FOCAD: variants seen among roughly 807,000 people sequenced by gnomAD.
FOCAD encodes the protein focadhesin.
In FOCAD, 198 loss-of-function variants were observed where a neutral mutation model predicts 225.6. The ratio of observed to expected loss-of-function variants is 0.88; its 90% CI spans 0.78 to 0.99. The LOEUF is 0.99. Ranked by LOEUF, FOCAD falls within the 50% of genes least tolerant of loss-of-function variation. The pLI, the probability that FOCAD is intolerant of heterozygous loss-of-function variation, is 0.00. For missense variants in FOCAD, 2,713 were observed against 2,123.6 expected (o/e 1.28, Z -5.46); for synonymous variants, 897 against 755.0 (o/e 1.19, Z -3.08).
At chr9:20,709,800 A>G (rs1025761427) in intron 1 of FOCAD, among the ~76,000 whole-genome samples, 1 of 152,210 alleles carries the variant, frequency 6.6e-6, no homozygotes, top group Non-Finnish European at 1.5e-5. Context: ...TATAGATTTA[A>G]AAAACATATT....
Position 20,862,839 on chromosome 9 carries a change from G to A in FOCAD, c.2055+127G>A, listed in dbSNP as rs1378074682. The A allele has an allele frequency of 4.8e-6, 5 of 1,042,918 alleles. No individual in the cohort carries two copies. The African/African-American group carries it at 6.5e-5, about 13-fold the overall frequency. The allele number at this position is 1,042,918 out of a possible 1,614,324, so 64.6% of individuals were successfully genotyped here. A position where few individuals can be genotyped will look rare whatever the true frequency, so the allele number is the denominator to read the frequency against. ...TGTTGTTCTGAGACCATGTTGATAT[G>A]TTTATGGACTCTTAGGAGTAAGATA... On this transcript the variant is annotated intron_variant, in intron 16 of 43. Transcript: ENST00000338382.
intron 35 of FOCAD, among the ~76,000 whole-genome samples, chr9:20,969,759 ACC>A (rs1839602528): frequency 6.6e-6 from 1 of 150,810 alleles, no homozygotes; most frequent in Non-Finnish European, 1.5e-5. Context: ...TTTTATATTT[ACC>A]TATGTAATTA....
At position 20,982,432 on chromosome 9, in the gene FOCAD, G is replaced by T. The variant is rs753108162; in HGVS notation, c.4714G>T (p.Ala1572Ser). The T allele has an allele frequency of 1.9e-6, 3 of 1,613,116 alleles. No individual in the cohort carries two copies. Among genetic ancestry groups the T allele is most frequent in the Non-Finnish European group, 2.5e-6 (3 of 1,179,380 alleles). ...EMTDDDANRI[A>S]QVTKSNIEKA... is the part of the protein sequence containing the mutation. ...GACAGATGATGATGCCAATCGGATC[G>T]CCCAGGTTACTAAGGTAATAACATA... The change falls in exon 39 of 44, where the codon GCC (alanine) becomes TCC (serine). Residue 1572 changes from alanine to serine, a missense_variant. Ala to Ser is a moderately conservative substitution (Grantham distance 99). Transcript: ENST00000338382.
chr9:20,757,986 A>G, intron 5 of FOCAD, 104 bp from the exon 6 acceptor site: 1 of 553,968 alleles, frequency 1.8e-6, no homozygotes. Flanking sequence ...ATCGTGAAAA[A>G]AGTCTCTAGA....
chr9:20,991,368 A>G (rs574125107), intron 42 of FOCAD, among the ~76,000 whole-genome samples: 1 of 152,276 alleles, frequency 6.6e-6, no homozygotes, highest in South Asian at 2.1e-4. Flanking sequence ...AAATCTGAAC[A>G]TTAATCTTTA....
chr9:20,763,980 G>T (rs555863339), intron 6 of FOCAD, among the ~76,000 whole-genome samples: 1 of 152,266 alleles, frequency 6.6e-6, no homozygotes, highest in Admixed American at 6.5e-5. Flanking sequence ...CTCTCCTTCA[G>T]TTTCTTTATC....
intron 16 of FOCAD, among the ~76,000 whole-genome samples, chr9:20,865,587 C>G (rs1318621542): frequency 6.6e-6 from 1 of 151,786 alleles, no homozygotes; most frequent in Non-Finnish European, 1.5e-5. Context: ...CGTATGGCCA[C>G]ATGGAGAAAG....
chr9:20,724,812 T>C (rs1826063662), intron 4 of FOCAD, among the ~76,000 whole-genome samples: 1 of 152,100 alleles, frequency 6.6e-6, no homozygotes, highest in South Asian at 2.1e-4. Flanking sequence ...AATAGCCTCC[T>C]CCTCCAAAAT....
intron 35 of FOCAD, among the ~76,000 whole-genome samples, chr9:20,970,046 G>C (rs1839628918): frequency 6.7e-6 from 1 of 149,888 alleles, no homozygotes. Flanking sequence ...TGGACTCCAT[G>C]GTTTCTGATG....
rs148028537 is a variant in FOCAD, at chr9:20,756,014, A to C, written c.393-2076A>C. Among the ~76,000 whole-genome samples the C allele has an allele frequency of 9.9e-5, 15 of 152,262 alleles. No homozygotes were observed. In the East Asian group the frequency reaches 2.9e-3, roughly 29 times the overall value. Reference sequence around the variant, plus strand: ...GCTGAACTTTCAATCTAAGAATTTCATCTGATACTACATACCTGAGAGGCT... The same window carrying C: ...GCTGAACTTTCAATCTAAGAATTTCCTCTGATACTACATACCTGAGAGGCT... On this transcript the variant is annotated intron_variant, in intron 5 of 43. Transcript: ENST00000338382.
At chr9:20,845,304 A>C (rs1826967482) in intron 15 of FOCAD, among the ~76,000 whole-genome samples, 1 of 151,870 alleles carries the variant, frequency 6.6e-6, no homozygotes, top group Non-Finnish European at 1.5e-5. Flanking sequence ...TCTGATAATA[A>C]TTTGCCATAT....
chr9:20,988,519 T>G, intron 41 of FOCAD, 90 bp downstream of exon 41: 1 of 325,884 alleles, frequency 3.1e-6, no homozygotes, highest in Non-Finnish European at 5.8e-6. Context: ...TGCCATTAAT[T>G]GGCAAAAACT....
chr9:20,901,232 GTC>G (rs1564129973), intron 21 of FOCAD, among the ~76,000 whole-genome samples: 1 of 142,140 alleles, frequency 7.0e-6, no homozygotes, highest in African/African-American at 2.7e-5. Context: ...GTGTGTGTGT[GTC>G]TCATAAAGCT....
intron 24 of FOCAD, among the ~76,000 whole-genome samples, chr9:20,921,901 G>C (rs1834469480): frequency 6.6e-6 from 1 of 151,926 alleles, no homozygotes; most frequent in African/African-American, 2.4e-5. Context: ...TATGACTTTT[G>C]ATACCCAGAT....
chr9:20,810,309 A>G (rs560290826), intron 11 of FOCAD, among the ~76,000 whole-genome samples: 1 of 152,168 alleles, frequency 6.6e-6, no homozygotes, highest in Non-Finnish European at 1.5e-5. Context: ...TAGATGAGCT[A>G]TATTTAATAA....
intron 26 of FOCAD, among the ~76,000 whole-genome samples, chr9:20,926,882 A>G (rs148808065): frequency 6.6e-6 from 1 of 151,508 alleles, no homozygotes; most frequent in East Asian, 1.9e-4. Flanking sequence ...GGGAACTTTA[A>G]ATACACACAC....
At chr9:20,745,229 C>T (rs985289064) in intron 5 of FOCAD, among the ~76,000 whole-genome samples, 1 of 151,952 alleles carries the variant, frequency 6.6e-6, no homozygotes, top group Admixed American at 6.6e-5. Context: ...CCCATCTCAG[C>T]TCCCCCAGTA....
chr9:20,738,818 C>A (rs957993939), intron 4 of FOCAD, among the ~76,000 whole-genome samples: 8 of 152,154 alleles, frequency 5.3e-5, no homozygotes, highest in African/African-American at 1.9e-4. Flanking sequence ...CATTAAAAAA[C>A]CAGAAATAGA....
In FOCAD at chr9:20,819,914, T is replaced by C. The variant is rs749372978; in HGVS notation, c.1560+14T>C. ...GGTGTTCACAAGGTTAGTATGTTAA[T>C]TAATTTAGTTGGCGAAAAAAGTGAG... On this transcript the variant is annotated intron_variant, in intron 12 of 43. Coordinates refer to ENST00000338382, the MANE Select transcript of FOCAD (RefSeq NM_001375567.1). 4 of 1,442,038 alleles carry C rather than the reference T, an allele frequency of 2.8e-6. No homozygotes were observed. The East Asian group carries it at 9.8e-5, about 35-fold the overall frequency. The allele number at this position is 1,442,038 out of a possible 1,614,324, so 89.3% of individuals were successfully genotyped here.
Sources: gnomAD v4.1 joint callset for allele counts (sites outside exome capture counted in the v4.1 genomes callset) on GRCh38, gnomAD v4.1.1 for gene constraint, MANE v1.5 for transcripts, NCBI Gene and HGNC (gene_info 2026-07-23, HGNC 2026-07-21) for gene names.